The following SORCS2 variants were observed in gnomAD, a reference collection of about 807,000 sequenced individuals.
SORCS2 encodes sortilin related VPS10 domain containing receptor 2.
In SORCS2, 100 loss-of-function variants were observed where a neutral mutation model predicts 141.6. The observed-to-expected ratio is 0.71, with a 90% CI of 0.60 to 0.83. SORCS2 has a LOEUF of 0.83. Ranked by LOEUF, SORCS2 falls within the 40% of genes least tolerant of loss-of-function variation. The pLI, the probability that SORCS2 is intolerant of heterozygous loss-of-function variation, is 0.00. For missense variants in SORCS2, 1,646 were observed against 1,560.2 expected, an observed-to-expected ratio of 1.05 and a Z score of -0.93; for synonymous variants, 789 against 676.9, an observed-to-expected ratio of 1.17 and a Z score of -2.57.
At chr4:7,625,398 A>G (rs1719451847) in intron 3 of SORCS2, among the ~76,000 whole-genome samples, 1 of 152,116 alleles carries the variant, frequency 6.6e-6, no homozygotes, top group Non-Finnish European at 1.5e-5. Context: ...AAAGAGAGAC[A>G]AGAACATCTC....
intron 1 of SORCS2, among the ~76,000 whole-genome samples, chr4:7,288,319 C>T (rs566615153): frequency 3.3e-5 from 5 of 152,088 alleles, no homozygotes; most frequent in East Asian, 1.9e-4. Context: ...CCTACCTCCA[C>T]GGTGAACTTC....
At chr4:7,209,668 A>C (rs1577278036) in intron 1 of SORCS2, among the ~76,000 whole-genome samples, 1 of 147,378 alleles carries the variant, frequency 6.8e-6, no homozygotes. Context: ...TTTTGAGATC[A>C]CTTCCAATCT....
intron 2 of SORCS2, among the ~76,000 whole-genome samples, chr4:7,424,985 T>C (rs1021706251): frequency 3.3e-5 from 5 of 152,230 alleles, no homozygotes; most frequent in African/African-American, 1.2e-4. Context: ...GAAGGTGGAA[T>C]GGATCCCTGG....
chr4:7,397,666 C>T (rs1217846363), intron 2 of SORCS2, among the ~76,000 whole-genome samples: 2 of 152,084 alleles, frequency 1.3e-5, no homozygotes, highest in Non-Finnish European at 1.5e-5. Flanking sequence ...TTCACTACTT[C>T]GAGACGAGAG....
At chr4:7,211,221 G>A (rs1404586525) in intron 1 of SORCS2, among the ~76,000 whole-genome samples, 1 of 1,214 alleles carries the variant, frequency 8.2e-4, no homozygotes, top group Non-Finnish European at 1.2e-3. Context: ...GCAGGAGAGC[G>A]GGAGGGAGGG....
chr4:7,630,542 A>G (rs1054443025), intron 3 of SORCS2, among the ~76,000 whole-genome samples: 2 of 152,220 alleles, frequency 1.3e-5, no homozygotes, highest in Admixed American at 6.5e-5. Flanking sequence ...TACAGCCCTC[A>G]GGGTCACCCA....
At position 7,529,450 on chromosome 4, in the gene SORCS2, G is replaced by A. The variant is rs185170531; in HGVS notation, c.549-2080G>A. Among the ~76,000 whole-genome samples the A allele has an allele frequency of 1.9e-3, 296 of 152,312 alleles. 4 individuals are homozygous for A. The highest frequency in any genetic ancestry group is 1.8e-3 in the Non-Finnish European group (124 of 68,028). ...GGGCTTTGCTCATGGGCTCCTAGCT[G>A]CAGGCCACTCCTGGCAGGAGCTCTG... On this transcript the variant is annotated intron_variant, in intron 2 of 26. Transcript: ENST00000507866.
chr4:7,255,757 A>T (rs1228399172), intron 1 of SORCS2, among the ~76,000 whole-genome samples: 1 of 152,118 alleles, frequency 6.6e-6, no homozygotes, highest in African/African-American at 2.4e-5. Context: ...CCTGCCACAG[A>T]CAGGCCAGGG....
intron 1 of SORCS2, among the ~76,000 whole-genome samples, chr4:7,367,520 C>T (rs1176413012): frequency 6.6e-6 from 1 of 152,206 alleles, no homozygotes; most frequent in Admixed American, 6.5e-5. Context: ...CAAGGCGGTT[C>T]ACACAGCAAC....
At chr4:7,721,835 A>G (rs1277611481) in intron 18 of SORCS2, among the ~76,000 whole-genome samples, 1 of 152,148 alleles carries the variant, frequency 6.6e-6, no homozygotes, top group African/African-American at 2.4e-5. Context: ...CACAGGGTGG[A>G]TCTGTATCAT....
At chr4:7,729,900 C>G (rs983685194) in intron 23 of SORCS2, among the ~76,000 whole-genome samples, 188 bp downstream of exon 23, 2 of 152,148 alleles carry the variant, frequency 1.3e-5, no homozygotes, top group African/African-American at 4.8e-5. Context: ...CACACAGCCT[C>G]TAAGGTCACT....
At chr4:7,299,361 C>T (rs111551382) in intron 1 of SORCS2, among the ~76,000 whole-genome samples, 1,823 of 152,354 alleles carry the variant, frequency 0.012, 21 homozygotes, top group Middle Eastern at 0.051. Flanking sequence ...ATCCGCTCTC[C>T]ACCGCTTGTC....
At chr4:7,305,152 C>A (rs1394699793) in intron 1 of SORCS2, among the ~76,000 whole-genome samples, 1 of 152,142 alleles carries the variant, frequency 6.6e-6, no homozygotes, top group Non-Finnish European at 1.5e-5. Flanking sequence ...CTGCCTCAGC[C>A]TCCCGAGTAG....
chr4:7,603,089 A>G (rs1717840647), intron 3 of SORCS2, among the ~76,000 whole-genome samples: 1 of 150,754 alleles, frequency 6.6e-6, no homozygotes, highest in Admixed American at 6.6e-5. Flanking sequence ...GGGAGGTTGC[A>G]GTGAGCAGAG....
intron 2 of SORCS2, among the ~76,000 whole-genome samples, chr4:7,513,787 C>A (rs1732804856): frequency 6.6e-6 from 1 of 152,200 alleles, no homozygotes; most frequent in African/African-American, 2.4e-5. Flanking sequence ...CGCTTAAAGG[C>A]ATCTTGTCAT....
rs1467621016 is a variant in SORCS2, at chr4:7,740,376, T to C, written c.*112T>C. ...TGCGGAAAGCCCCCTCCCTGAGTCG[T>C]CGCCACACCAGGCGACAGGCACCAC... On this transcript the variant is annotated 3_prime_UTR_variant, in exon 27 of 27. Coordinates refer to ENST00000507866, the MANE Select transcript of SORCS2 (RefSeq NM_020777.3). 5.8e-5 allele frequency: 57 copies of C among 977,548 alleles called. No individual in the cohort carries two copies. The highest frequency in any genetic ancestry group is 7.8e-5 in the Non-Finnish European group (50 of 642,936). 60.6% of individuals were successfully genotyped at this position (977,548 alleles called of 1,614,324 possible). A position where few individuals can be genotyped will look rare whatever the true frequency, so the allele number is the denominator to read the frequency against.
Position 7,310,316 on chromosome 4 carries a change from T to C in SORCS2, c.481-85972T>C, listed in dbSNP as rs574398816. ...AGTCACAGAGAAGTTAAGACAGTTGTCCAAGGTTACACAGCCTTGAATGCG... is the reference window on the plus strand; with the variant it reads ...AGTCACAGAGAAGTTAAGACAGTTGCCCAAGGTTACACAGCCTTGAATGCG... On this transcript the variant is annotated intron_variant, in intron 1 of 26. Transcript: ENST00000507866. 5.1e-4 allele frequency: 79 copies of C among 154,228 alleles called. 1 individual carries two copies. The highest frequency in any genetic ancestry group is 4.9e-3 in the Middle Eastern group (9 of 1,846). 9.6% of individuals were successfully genotyped at this position (154,228 alleles called of 1,614,324 possible). A position where few individuals can be genotyped will look rare whatever the true frequency, so the allele number is the denominator to read the frequency against.
At chr4:7,285,692 C>A (rs1018904595) in intron 1 of SORCS2, among the ~76,000 whole-genome samples, 1 of 152,230 alleles carries the variant, frequency 6.6e-6, no homozygotes, top group Non-Finnish European at 1.5e-5. Flanking sequence ...CCTGGGGCCT[C>A]GTTCTTCCTT....
intron 5 of SORCS2, among the ~76,000 whole-genome samples, chr4:7,657,691 T>C (rs963384601): frequency 6.6e-6 from 1 of 150,796 alleles, no homozygotes; most frequent in Non-Finnish European, 1.5e-5. Flanking sequence ...TGACTGAGTC[T>C]GTGATTGAGT....
Sources: gnomAD v4.1 joint callset for allele counts (sites outside exome capture counted in the v4.1 genomes callset) on GRCh38, gnomAD v4.1.1 for gene constraint, MANE v1.5 for transcripts, NCBI Gene and HGNC (gene_info 2026-07-23, HGNC 2026-07-21) for gene names.